Variants in ABI3BP observed in about 807,000 individuals in gnomAD.
ABI3BP encodes the protein target of Nesh-SH3.
ABI3BP carries 216 observed loss-of-function variants against 268.6 expected under a neutral mutation model. That is an observed-to-expected ratio of 0.80 (90% CI 0.72 to 0.90). The LOEUF is 0.90. Ranked by LOEUF, ABI3BP falls within the 40% of genes least tolerant of loss-of-function variation. ABI3BP has a pLI of 0.00. For missense variants in ABI3BP, 2,090 were observed against 2,182.4 expected, an observed-to-expected ratio of 0.96 and a Z score of 0.84; for synonymous variants, 730 against 730.0, an observed-to-expected ratio of 1.00 and a Z score of 0.00.
At chr3:100,774,502 A>C (rs921590654) in intron 61 of ABI3BP, 103 bp downstream of exon 61, 1 of 835,162 alleles carries the variant, frequency 1.2e-6, no homozygotes, top group Non-Finnish European at 1.8e-6. Context: ...TATTATTATA[A>C]TAGGCTACTA....
At chr3:100,867,095 C>A in intron 9 of ABI3BP, 139 bp from the exon 10 acceptor site, 1 of 632,454 alleles carries the variant, frequency 1.6e-6, no homozygotes, top group Non-Finnish European at 2.8e-6. Flanking sequence ...TATTGTGTAT[C>A]TCTAGCAGGA....
chr3:100,976,935 T>C (rs1299280056), intron 1 of ABI3BP, among the ~76,000 whole-genome samples: 2 of 152,258 alleles, frequency 1.3e-5, no homozygotes, highest in Non-Finnish European at 2.9e-5. Flanking sequence ...AGGCCAACTA[T>C]GAAGGCCTCT....
rs927750826 is a variant in ABI3BP, at chr3:100,749,535, T to A, written c.*960A>T. ...TAATAGAAATAAATGAGTTAGTTAG[T>A]TAGATTTTTATTACAGATTGAATTA... On this transcript the variant is annotated 3_prime_UTR_variant, in exon 68 of 68. Coordinates refer to ENST00000471714, the MANE Select transcript of ABI3BP (RefSeq NM_001375547.2). 6 of 393,438 alleles carry A rather than the reference T, an allele frequency of 1.5e-5. No homozygotes were observed. Among genetic ancestry groups the A allele is most frequent in the Non-Finnish European group, 2.2e-5 (5 of 223,972 alleles). The allele number at this position is 393,438 out of a possible 1,614,324, so 24.4% of individuals were successfully genotyped here.
intron 9 of ABI3BP, among the ~76,000 whole-genome samples, chr3:100,873,586 C>T (rs1448537003): frequency 6.6e-6 from 1 of 152,158 alleles, no homozygotes; most frequent in African/African-American, 2.4e-5. Flanking sequence ...AGAGGGTCTG[C>T]CCACCTAGGA....
chr3:100,907,546 T>C (rs2054001920), intron 2 of ABI3BP, among the ~76,000 whole-genome samples: 1 of 152,018 alleles, frequency 6.6e-6, no homozygotes, highest in African/African-American at 2.4e-5. Context: ...AATTAAGTAT[T>C]AGTAACAATG....
In ABI3BP at chr3:100,818,575, G is replaced by T; in HGVS notation, c.3038C>A (p.Ser1013Tyr). ...PEVPQTKLVPSTDLEPGTLRT... is the reference protein window; with the variant it reads ...PEVPQTKLVPYTDLEPGTLRT... ...GAGAGTACCAGGTTCAAGATCTGTAGAAGGAACTAATTAAAAGCAATGAAA... is the reference window on the plus strand; with the variant it reads ...GAGAGTACCAGGTTCAAGATCTGTATAAGGAACTAATTAAAAGCAATGAAA... The change falls in exon 41 of 68, where the codon TCT (serine) becomes TAT (tyrosine). Residue 1013 changes from serine (S) to tyrosine (Y), a missense_variant. By Grantham distance (144) the Ser-to-Tyr change is moderately radical. Coordinates refer to ENST00000471714, the MANE Select transcript of ABI3BP (RefSeq NM_001375547.2). The T allele has an allele frequency of 3.9e-6, 6 of 1,534,852 alleles. No homozygotes were observed. Among genetic ancestry groups the T allele is most frequent in the Non-Finnish European group, 4.4e-6 (5 of 1,145,870 alleles).
intron 56 of ABI3BP, among the ~76,000 whole-genome samples, chr3:100,789,206 T>C (rs2097131722): frequency 6.6e-6 from 1 of 152,082 alleles, no homozygotes; most frequent in Non-Finnish European, 1.5e-5. Flanking sequence ...CCAACACTAT[T>C]TTTAAATACT....
At position 100,819,487 on chromosome 3, in the gene ABI3BP, A is replaced by G. The variant is rs186828406; in HGVS notation, c.3031+733T>C. Among the ~76,000 whole-genome samples the G allele has an allele frequency of 4.6e-5, 7 of 152,258 alleles. No individual in the cohort carries two copies. In the East Asian group the frequency reaches 1.2e-3, roughly 25 times the overall value. ...TGGGACAGGTTTTGATCTTGACTAT[A>G]CTACAGAGTAAGATGTGAAAAACAA... On this transcript the variant is annotated intron_variant, in intron 40 of 67. Coordinates refer to ENST00000471714, the MANE Select transcript of ABI3BP (RefSeq NM_001375547.2).
At chr3:100,961,504 G>A (rs2079083620) in intron 1 of ABI3BP, among the ~76,000 whole-genome samples, 3 of 152,184 alleles carry the variant, frequency 2.0e-5, no homozygotes, top group Admixed American at 1.3e-4. Context: ...TGGGATACCA[G>A]TGAGAACATA....
chr3:100,839,330 G>A (rs1443492029), intron 24 of ABI3BP, among the ~76,000 whole-genome samples: 1 of 152,168 alleles, frequency 6.6e-6, no homozygotes, highest in Non-Finnish European at 1.5e-5. Context: ...GCAGACAGAA[G>A]GTCAGCAGAG....
intron 58 of ABI3BP, 23 bp from the exon 59 acceptor site, chr3:100,778,399 G>A: frequency 6.3e-7 from 1 of 1,589,870 alleles, no homozygotes; most frequent in Non-Finnish European, 8.6e-7. Context: ...ATAAGAGATT[G>A]TATTTTAGAT....
chr3:100,810,457 G>C lies in ABI3BP; in HGVS notation c.3562C>G (p.Gln1188Glu). 6.5e-7 allele frequency: 1 copy of C among 1,534,968 alleles called. No individual in the cohort carries two copies. The highest frequency in any genetic ancestry group is 8.7e-7 in the Non-Finnish European group (1 of 1,146,102). Residue 1188 changes from glutamine (Q) to glutamate (E), a missense_variant, in exon 49 of 68, where the codon CAA (glutamine) becomes GAA (glutamate). Transcript: ENST00000471714. The stretch of plus-strand genomic sequence containing the variant: ...TCTGGGCTGGGTAGGGTTATAGATT[G>C]AGAAGGCAGAGGCGACGTTTCTATG... The part of the protein sequence containing the change: ...TTLETSPLPS[Q>E]SITLPSPDEP...
chr3:100,982,747 T>A (rs947514387), intron 1 of ABI3BP, among the ~76,000 whole-genome samples: 1 of 152,054 alleles, frequency 6.6e-6, no homozygotes, highest in Non-Finnish European at 1.5e-5. Context: ...AGCAGGATCA[T>A]TAGGGGAGTT....
chr3:100,973,393 T>A (rs1228478003), intron 1 of ABI3BP, among the ~76,000 whole-genome samples: 1 of 152,184 alleles, frequency 6.6e-6, no homozygotes, highest in African/African-American at 2.4e-5. Context: ...CCAGCAACTT[T>A]ATAAAACATT....
intron 1 of ABI3BP, chr3:100,930,712 C>A (rs1331776678): frequency 6.6e-6 from 1 of 151,840 alleles, no homozygotes; most frequent in Non-Finnish European, 1.5e-5. Flanking sequence ...AAAAGCCTAC[C>A]AACCTGAAAA....
chr3:100,935,043 G>A (rs1002446770), intron 1 of ABI3BP, among the ~76,000 whole-genome samples: 3 of 152,072 alleles, frequency 2.0e-5, no homozygotes, highest in African/African-American at 7.2e-5. Context: ...TAGTCATGAA[G>A]TCTTTGGCCA....
chr3:100,842,168 TGA>T, intron 20 of ABI3BP, 129 bp from the exon 21 acceptor site: 4 of 720,250 alleles, frequency 5.6e-6, no homozygotes, highest in South Asian at 1.9e-5. Flanking sequence ...CTTCTGCCAG[TGA>T]AGTTCAACCT....
chr3:100,794,306 C>G (rs541801960), intron 54 of ABI3BP, among the ~76,000 whole-genome samples: 2 of 151,962 alleles, frequency 1.3e-5, no homozygotes, highest in Non-Finnish European at 2.9e-5. Context: ...CTTGGCCAAA[C>G]TTTTAAACCC....
At chr3:100,892,785 GGATT>G (rs1306035456) in intron 4 of ABI3BP, among the ~76,000 whole-genome samples, 2 of 152,168 alleles carry the variant, frequency 1.3e-5, no homozygotes, top group African/African-American at 4.8e-5. Context: ...TGCATAGAGG[GGATT>G]GTTAAAGACT....
Sources: allele counts gnomAD v4.1 joint callset (sites outside exome capture counted in the v4.1 genomes callset), GRCh38; gene constraint gnomAD v4.1.1; transcripts MANE v1.5; gene names NCBI Gene and HGNC (gene_info 2026-07-23, HGNC 2026-07-21).